KIF21A: variants seen among roughly 807,000 people sequenced by gnomAD.
KIF21A encodes the protein kinesin family member 21A, also known as kinesin-like protein KIF21A.
A neutral mutation model predicts 202.9 loss-of-function variants in KIF21A; 114 were observed. The observed-to-expected ratio is 0.56, with a 90% CI of 0.48 to 0.66. The LOEUF (loss-of-function observed/expected upper bound fraction) is 0.66, where lower values mean the gene tolerates loss of function less well. KIF21A is among the 30% of genes least tolerant of loss of function. KIF21A has a pLI of 0.00. For missense variants in KIF21A, 1,677 were observed against 1,994.9 expected (o/e 0.84, Z 3.04); for synonymous variants, 667 against 670.8 (o/e 0.99, Z 0.09).
Position 39,442,741 on chromosome 12 carries a change from G to T in KIF21A, c.44+186C>A, listed in dbSNP as rs1166572060. Among the ~76,000 whole-genome samples, 1 of 152,148 alleles carries T rather than the reference G, an allele frequency of 6.6e-6. No homozygotes were observed. The highest frequency in any genetic ancestry group is 6.5e-5 in the Admixed American group (1 of 15,278). On this transcript the variant is annotated intron_variant, in intron 1 of 37. Coordinates refer to ENST00000361418, the MANE Select transcript of KIF21A (RefSeq NM_001173464.2). This position sits in a 1 kb window ranked among gnomAD's most constrained non-coding sequence, Gnocchi z 5.0. ...GGCGTGAGGGCGGCGCAGTCGCCCT[G>T]CCAGCACCCGGCCGCGCGTGCCAGG...
chr12:39,354,872 G>A (rs1473194278), intron 10 of KIF21A, among the ~76,000 whole-genome samples: 1 of 152,204 alleles, frequency 6.6e-6, no homozygotes, highest in South Asian at 2.1e-4. Context: ...TCTGAGATTA[G>A]CAGGTATTAT....
At chr12:39,328,596 G>C (rs890763145) in intron 24 of KIF21A, among the ~76,000 whole-genome samples, 6 of 152,136 alleles carry the variant, frequency 3.9e-5, no homozygotes, top group African/African-American at 1.4e-4. Context: ...TTCTTTAAAG[G>C]CTACAAAAGT....
chr12:39,384,969 T>C (rs1316090341), intron 1 of KIF21A, among the ~76,000 whole-genome samples: 19 of 152,130 alleles, frequency 1.2e-4, no homozygotes, highest in Non-Finnish European at 4.4e-5. Context: ...GCTTACTACT[T>C]GAAAACTACC....
At chr12:39,306,427 T>C (rs1397339875) in intron 34 of KIF21A, among the ~76,000 whole-genome samples, 1 of 152,208 alleles carries the variant, frequency 6.6e-6, no homozygotes, top group Admixed American at 6.5e-5. Flanking sequence ...AAGTACTGTT[T>C]TTAATTTTCT....
At chr12:39,352,520 G>C (rs78898476) in intron 10 of KIF21A, among the ~76,000 whole-genome samples, 5,769 of 152,102 alleles carry the variant, frequency 0.038, 131 homozygotes, top group African/African-American at 0.065. Context: ...GTGGTAATTA[G>C]ATTACTTGAA....
rs1946449936 is a variant in KIF21A, at chr12:39,330,900, A to G, written c.3165T>C (p.Ala1055=). Reference sequence around the variant, plus strand: ...CTTTAATTTGAGCCTCTTTCTGGGCAGCCTGAAGACCCTGAAACACAACAA... The same window carrying G: ...CTTTAATTTGAGCCTCTTTCTGGGCGGCCTGAAGACCCTGAAACACAACAA... The part of the protein sequence containing the change: ...LSMGINKGLQ[A]AQKEAQIKVL... Residue 1055 remains alanine, a synonymous_variant, in exon 23 of 38, where the codon GCT becomes GCC. Transcript: ENST00000361418. The G allele has an allele frequency of 2.5e-6, 4 of 1,613,976 alleles. No individual in the cohort carries two copies. The highest frequency in any genetic ancestry group is 3.4e-6 in the Non-Finnish European group (4 of 1,179,874).
intron 3 of KIF21A, 71 bp downstream of exon 3, chr12:39,369,658 A>G: frequency 8.7e-7 from 1 of 1,143,814 alleles, no homozygotes; most frequent in South Asian, 1.3e-5. Context: ...TGAAGCCAAC[A>G]GTATAAAATC....
chr12:39,316,492 T>A (rs2137532900), intron 29 of KIF21A, among the ~76,000 whole-genome samples: 2 of 152,276 alleles, frequency 1.3e-5, no homozygotes, highest in South Asian at 4.1e-4. Flanking sequence ...TCAAAAACAC[T>A]GAGTTCTTTT....
intron 24 of KIF21A, among the ~76,000 whole-genome samples, chr12:39,327,176 T>A (rs529093987): frequency 6.6e-6 from 1 of 152,272 alleles, no homozygotes; most frequent in African/African-American, 2.4e-5. Context: ...GAAAAATATA[T>A]AGGGTTCATC....
At chr12:39,357,197 T>C (rs1186733520) in intron 9 of KIF21A, 51 bp downstream of exon 9, 2 of 1,479,348 alleles carry the variant, frequency 1.4e-6, no homozygotes, top group Non-Finnish European at 1.9e-6. Context: ...CAAAGAATGT[T>C]CCCTGCCCTC....
intron 1 of KIF21A, among the ~76,000 whole-genome samples, chr12:39,406,501 A>G (rs1330470171): frequency 6.6e-6 from 1 of 152,202 alleles, no homozygotes; most frequent in Non-Finnish European, 1.5e-5. Flanking sequence ...CTTACCTCCC[A>G]CTAAAGCCAT....
chr12:39,323,355 A>C (rs1945498663), intron 26 of KIF21A, among the ~76,000 whole-genome samples: 1 of 152,070 alleles, frequency 6.6e-6, no homozygotes, highest in Non-Finnish European at 1.5e-5. Flanking sequence ...AAGAAGAAGA[A>C]AGACATTAAA....
rs757338165 is a variant in KIF21A, at chr12:39,309,605, T to C, written c.4258A>G (p.Lys1420Glu). The C allele has an allele frequency of 1.2e-6, 2 of 1,612,170 alleles. No homozygotes were observed. The highest frequency in any genetic ancestry group is 1.7e-5 in the Admixed American group (1 of 59,972). Reference protein sequence around the residue: ...IKVWDIRDSAKCIRTLTSSGQ... With the variant: ...IKVWDIRDSAECIRTLTSSGQ... The stretch of plus-strand genomic sequence containing the variant: ...ACTTACGTTAGTGTTCGAATGCACT[T>C]TGCTGAATCTCTGATATCCCACACC... Residue 1420 changes from lysine (K) to glutamate (E), a missense_variant, in exon 33 of 38, where the codon AAG (lysine) becomes GAG (glutamate). By Grantham distance (56) the Lys-to-Glu change is moderately conservative. Around this residue, in one of 3 missense-constraint regions of KIF21A, gnomAD observed 705 missense variants for 791.9 expected, o/e 0.89. Coordinates refer to ENST00000361418, the MANE Select transcript of KIF21A (RefSeq NM_001173464.2).
chr12:39,340,712 G>T (rs1292968494), intron 15 of KIF21A, among the ~76,000 whole-genome samples, 194 bp downstream of exon 15: 1 of 151,912 alleles, frequency 6.6e-6, no homozygotes, highest in Non-Finnish European at 1.5e-5. Flanking sequence ...AACATATAAT[G>T]TGGCCAAAAA....
At chr12:39,341,689 G>A (rs1947455758) in intron 13 of KIF21A, 67 bp from the exon 14 acceptor site, 2 of 1,486,406 alleles carry the variant, frequency 1.3e-6, no homozygotes, top group Non-Finnish European at 1.8e-6. Context: ...CTCATTGAGA[G>A]AGGCTGCTGG....
chr12:39,338,413 C>T (rs1947164474), intron 16 of KIF21A, among the ~76,000 whole-genome samples: 1 of 152,032 alleles, frequency 6.6e-6, no homozygotes, highest in Non-Finnish European at 1.5e-5. Flanking sequence ...AAAAAAATTA[C>T]AGTAAGCCAA....
intron 10 of KIF21A, among the ~76,000 whole-genome samples, 162 bp from the exon 11 acceptor site, chr12:39,352,142 T>A (rs1358383626): frequency 6.6e-6 from 1 of 152,054 alleles, no homozygotes; most frequent in Non-Finnish European, 1.5e-5. Context: ...CTCCAGAAAT[T>A]TTTTATCTTC....
chr12:39,341,650 G>C, intron 13 of KIF21A, 28 bp from the exon 14 acceptor site: 1 of 1,574,094 alleles, frequency 6.4e-7, no homozygotes, highest in South Asian at 1.1e-5. Flanking sequence ...AAAATTAATA[G>C]CACAATATTG....
chr12:39,295,371 C>A (rs1942203965), intron 37 of KIF21A, among the ~76,000 whole-genome samples: 1 of 151,972 alleles, frequency 6.6e-6, no homozygotes, highest in African/African-American at 2.4e-5. Flanking sequence ...TCCTGATTAA[C>A]CCAAAGTAAA....
Sources: allele counts gnomAD v4.1 joint callset (sites outside exome capture counted in the v4.1 genomes callset), GRCh38; gene constraint gnomAD v4.1.1; regional missense constraint gnomAD v4.1.1; non-coding constraint Gnocchi (gnomAD v3.1); transcripts MANE v1.5; gene names NCBI Gene and HGNC (gene_info 2026-07-23, HGNC 2026-07-21).